SLC9C1: variants seen among roughly 807,000 people sequenced by gnomAD.
SLC9C1 encodes sodium/hydrogen exchanger 10.
A neutral mutation model predicts 140.9 loss-of-function variants in SLC9C1; 97 were observed. The observed-to-expected ratio is 0.69, with a 90% confidence interval of 0.58 to 0.82. The LOEUF is 0.82. Ranked by LOEUF, SLC9C1 falls within the 40% of genes least tolerant of loss-of-function variation. The pLI is 0.00. For missense variants in SLC9C1, 1,340 were observed against 1,389.3 expected (o/e 0.96, Z 0.56); for synonymous variants, 440 against 442.6 (o/e 0.99, Z 0.07).
At chr3:112,253,525 A>G (rs970212842) in intron 10 of SLC9C1, among the ~76,000 whole-genome samples, 1 of 152,188 alleles carries the variant, frequency 6.6e-6, no homozygotes, top group African/African-American at 2.4e-5. Context: ...CCTCACTAAC[A>G]TATCTGCCCT....
intron 15 of SLC9C1, 84 bp from the exon 16 acceptor site, chr3:112,208,457 A>G (rs112018411): frequency 6.4e-6 from 6 of 944,310 alleles, no homozygotes; most frequent in Non-Finnish European, 9.1e-6. Context: ...TCTACTTATC[A>G]ACAGCTGCAG....
At chr3:112,170,553 AT>A (rs1163545223) in intron 23 of SLC9C1, among the ~76,000 whole-genome samples, 6 of 152,288 alleles carry the variant, frequency 3.9e-5, no homozygotes, top group East Asian at 1.9e-4. Context: ...ATTTACACAT[AT>A]TTTTTATAAG....
intron 28 of SLC9C1, among the ~76,000 whole-genome samples, chr3:112,148,415 T>C (rs1034012216): frequency 6.6e-6 from 1 of 152,202 alleles, no homozygotes; most frequent in East Asian, 1.9e-4. Flanking sequence ...ATTCTTTTCA[T>C]GTGAGTAGAA....
At chr3:112,179,778 C>A in intron 22 of SLC9C1, 77 bp from the exon 23 acceptor site, 1 of 1,301,508 alleles carries the variant, frequency 7.7e-7, no homozygotes, top group South Asian at 1.8e-5. Context: ...TGACTTTTTC[C>A]ACTTTGGTTT....
chr3:112,170,993 C>T (rs1382538843), intron 23 of SLC9C1, among the ~76,000 whole-genome samples: 1 of 152,138 alleles, frequency 6.6e-6, no homozygotes, highest in Non-Finnish European at 1.5e-5. Context: ...GCGGGCTGAG[C>T]CCCTGAGGTC....
Position 112,199,406 on chromosome 3 carries a change from A to T in SLC9C1, c.2438T>A (p.Val813Asp), listed in dbSNP as rs1290644414. ...VTVKTKEEIN[V>D]MLNMATEILK... Reference sequence around the variant, plus strand: ...AATTTCTGTAGCCATATTGAGCATAACATTAATTTCTTCCTTTGTTTTCAC... The same window carrying T: ...AATTTCTGTAGCCATATTGAGCATATCATTAATTTCTTCCTTTGTTTTCAC... Residue 813 changes from valine to aspartate, a missense_variant, in exon 20 of 29, where the codon GTT becomes GAT. Coordinates refer to ENST00000305815, the MANE Select transcript of SLC9C1 (RefSeq NM_183061.3). 6.2e-7 allele frequency: 1 copy of T among 1,600,542 alleles called. No individual in the cohort carries two copies. The highest frequency in any genetic ancestry group is 1.7e-5 in the Admixed American group (1 of 58,610).
At position 112,242,134 on chromosome 3, in the gene SLC9C1, G is replaced by T. The variant is rs370533425; in HGVS notation, c.1279+1861C>A. Among the ~76,000 whole-genome samples the T allele has an allele frequency of 1.5e-3, 224 of 152,168 alleles. 2 individuals are homozygous for T. Among genetic ancestry groups the T allele is most frequent in the African/African-American group, 5.2e-3 (217 of 41,536 alleles). On this transcript the variant is annotated intron_variant, in intron 11 of 28. Coordinates refer to ENST00000305815, the MANE Select transcript of SLC9C1 (RefSeq NM_183061.3). ...ACTAGAGAGTTTCTGCAAAGCAAAA[G>T]AAACTATTAATAGAGTAAACAGACA...
At chr3:112,245,719 G>C (rs2079264592) in intron 10 of SLC9C1, among the ~76,000 whole-genome samples, 1 of 151,996 alleles carries the variant, frequency 6.6e-6, no homozygotes, top group African/African-American at 2.4e-5. Context: ...TTTCTATATG[G>C]AGTTTAGATT....
Position 112,199,337 on chromosome 3 carries a change from C to A in SLC9C1, c.2507G>T (p.Gly836Val). The change falls in exon 20 of 29, where the codon GGT becomes GTT. Residue 836 changes from glycine (G) to valine (V), a missense_variant. Physicochemically the swap from Gly to Val is moderately radical, Grantham distance 109. Coordinates refer to ENST00000305815, the MANE Select transcript of SLC9C1 (RefSeq NM_183061.3). ...TTGCCTTACCTTATTAATTCCAGCA[C>A]CTTCAGTTTTACTAATAATTCCTTT... Reference protein sequence around the residue: ...GLKGIISKTEGAGINKLIMAK... With the variant: ...GLKGIISKTEVAGINKLIMAK... 5.1e-6 allele frequency: 8 copies of A among 1,575,658 alleles called. No homozygotes were observed. The highest frequency in any genetic ancestry group is 6.9e-6 in the Non-Finnish European group (8 of 1,164,334).
At chr3:112,256,060 G>A (rs4618193) in intron 10 of SLC9C1, among the ~76,000 whole-genome samples, 44,936 of 151,744 alleles carry the variant, frequency 0.3, 7,192 homozygotes, top group East Asian at 0.42. Context: ...CAGGCCAGTA[G>A]TGAGTTCCCA....
At chr3:112,205,417 G>T (rs2078020631) in intron 16 of SLC9C1, among the ~76,000 whole-genome samples, 1 of 144,596 alleles carries the variant, frequency 6.9e-6, no homozygotes, top group African/African-American at 2.6e-5. Flanking sequence ...ACAAACAAAT[G>T]GAAGAACATT....
intron 1 of SLC9C1, 36 bp from the exon 2 acceptor site, chr3:112,286,914 CTAA>C: frequency 1.9e-6 from 1 of 538,676 alleles, no homozygotes. Context: ...TGGTGGCCTT[CTAA>C]TAATTTTCTA....
chr3:112,270,022 T>G lies in SLC9C1; in HGVS notation c.669A>C (p.Gly223=). The part of the protein sequence containing the change: ...CSYIIASFLF[G]ILSSKLIQFW... ...ATTGAATCAGTTTTGAACTTAGAATTCCAAACAAGAAACTTGCTATAATAT... is the reference window on the plus strand; with the variant it reads ...ATTGAATCAGTTTTGAACTTAGAATGCCAAACAAGAAACTTGCTATAATAT... Residue 223 remains glycine, a synonymous_variant, in exon 7 of 29, where the codon GGA becomes GGC. Transcript: ENST00000305815. The G allele has an allele frequency of 6.3e-7, 1 of 1,596,454 alleles. No individual in the cohort carries two copies. The highest frequency in any genetic ancestry group is 8.5e-7 in the Non-Finnish European group (1 of 1,172,560).
chr3:112,286,685 A>G lies in SLC9C1; in HGVS notation c.88+19T>C, dbSNP rs2080517748. On this transcript the variant is annotated intron_variant, in intron 2 of 28. Transcript: ENST00000305815. ...TGTACCGGAAGAATAAACTCAGATA[A>G]AGAGAGAGTGATACTTACCTCCAAT... is the stretch of plus-strand genomic sequence containing the variant. 4 of 1,583,696 alleles carry G rather than the reference A, an allele frequency of 2.5e-6. No individual in the cohort carries two copies. The East Asian group carries it at 9.0e-5, about 36-fold the overall frequency.
chr3:112,155,777 C>A (rs761907416), intron 26 of SLC9C1, among the ~76,000 whole-genome samples: 37 of 152,102 alleles, frequency 2.4e-4, no homozygotes, highest in Middle Eastern at 3.4e-3. Context: ...AAAGAGCAGA[C>A]GGTGAAGGGC....
chr3:112,151,532 T>A (rs1384666715), intron 28 of SLC9C1: 2 of 524,832 alleles, frequency 3.8e-6, no homozygotes, highest in South Asian at 2.8e-5. Context: ...AACTTATCTT[T>A]TTATATCTTC....
chr3:112,176,389 C>T (rs1216590788), intron 23 of SLC9C1, among the ~76,000 whole-genome samples: 1 of 152,202 alleles, frequency 6.6e-6, no homozygotes, highest in East Asian at 1.9e-4. Context: ...TTACTTGCCC[C>T]TTCCATCCCT....
chr3:112,153,138 C>CTTGTT (rs2075031275), intron 27 of SLC9C1, among the ~76,000 whole-genome samples: 1 of 152,146 alleles, frequency 6.6e-6, no homozygotes, highest in East Asian at 1.9e-4. Flanking sequence ...GAAGCATCTA[C>CTTGTT]TAAACAACAC....
intron 14 of SLC9C1, among the ~76,000 whole-genome samples, chr3:112,217,984 A>G (rs978075423): frequency 1.2e-4 from 18 of 152,214 alleles, no homozygotes; most frequent in African/African-American, 4.3e-4. Flanking sequence ...ATTAAATGGG[A>G]AAGCATGTAT....
Sources: gnomAD v4.1 joint callset for allele counts (sites outside exome capture counted in the v4.1 genomes callset) on GRCh38, gnomAD v4.1.1 for gene constraint, MANE v1.5 for transcripts, NCBI Gene and HGNC (gene_info 2026-07-23, HGNC 2026-07-21) for gene names.